EXOC2: variants seen among roughly 807,000 people sequenced by gnomAD.
EXOC2 encodes SEC5-like 1.
Under a neutral mutation model 131.8 loss-of-function variants are expected in EXOC2, and 70 were observed. The ratio of observed to expected loss-of-function variants is 0.53; its 90% CI spans 0.44 to 0.65. The LOEUF (loss-of-function observed/expected upper bound fraction) is 0.65, where lower values mean the gene tolerates loss of function less well. EXOC2 is among the 30% of genes least tolerant of loss of function. The pLI, the probability that EXOC2 is intolerant of heterozygous loss-of-function variation, is 0.00. For synonymous variants in EXOC2, 411 were observed against 398.4 expected, an observed-to-expected ratio of 1.03 and a Z score of -0.38; for missense variants, 923 against 1,108.6, an observed-to-expected ratio of 0.83 and a Z score of 2.38.
At chr6:624,160 A>G (rs913166642) in intron 4 of EXOC2, among the ~76,000 whole-genome samples, 19 of 91,206 alleles carry the variant, frequency 2.1e-4, no homozygotes, top group African/African-American at 5.2e-4. Flanking sequence ...TGAGTTAGAA[A>G]AAACAAAAAA....
intron 1 of EXOC2, among the ~76,000 whole-genome samples, chr6:664,709 A>T (rs1763561064): frequency 6.6e-6 from 1 of 152,234 alleles, no homozygotes; most frequent in South Asian, 2.1e-4. Flanking sequence ...ATTTCAACAA[A>T]TGGTGCTAGT....
At chr6:618,565 C>T (rs995513964) in intron 5 of EXOC2, among the ~76,000 whole-genome samples, 1 of 152,186 alleles carries the variant, frequency 6.6e-6, no homozygotes, top group Non-Finnish European at 1.5e-5. Flanking sequence ...AAATCAGAAT[C>T]ATCTTCTACA....
intron 11 of EXOC2, among the ~76,000 whole-genome samples, chr6:580,659 A>T (rs576434747): frequency 6.6e-6 from 1 of 152,162 alleles, no homozygotes; most frequent in Non-Finnish European, 1.5e-5. Flanking sequence ...TTCCATGGCC[A>T]TGCAGTTGGT....
rs75641335 is a variant in EXOC2 at position 546,533 on chromosome 6, G to A, written c.2238+2642C>T. Among the ~76,000 whole-genome samples the A allele has an allele frequency of 4.3e-3, 650 of 152,166 alleles. 5 individuals are homozygous for A. The highest frequency in any genetic ancestry group is 0.014 in the African/African-American group (565 of 41,496). On this transcript the variant is annotated intron_variant, in intron 22 of 27. Transcript: ENST00000230449. ...GAACACCACGGGTCTGAACTATGTGGGTCCACTTATACACGCATTTTCTTC... is the reference window on the plus strand; with the variant it reads ...GAACACCACGGGTCTGAACTATGTGAGTCCACTTATACACGCATTTTCTTC...
chr6:541,321 A>C (rs565399859), intron 22 of EXOC2, among the ~76,000 whole-genome samples: 1 of 152,360 alleles, frequency 6.6e-6, no homozygotes, highest in African/African-American at 2.4e-5. Context: ...AACACAGCTA[A>C]AAAGACACTT....
chr6:537,976 G>A (rs1184266244), intron 22 of EXOC2, among the ~76,000 whole-genome samples: 1 of 152,172 alleles, frequency 6.6e-6, no homozygotes, highest in Non-Finnish European at 1.5e-5. Flanking sequence ...GGTGGTGGAT[G>A]CTGGAACGTG....
intron 7 of EXOC2, among the ~76,000 whole-genome samples, chr6:600,346 C>T (rs1430608873): frequency 6.6e-6 from 1 of 152,150 alleles, no homozygotes; most frequent in Non-Finnish European, 1.5e-5. Flanking sequence ...TTCCTTCTTG[C>T]CACCAAACCA....
At chr6:571,435 C>T (rs965667834) in intron 13 of EXOC2, among the ~76,000 whole-genome samples, 1 of 152,174 alleles carries the variant, frequency 6.6e-6, no homozygotes, top group Non-Finnish European at 1.5e-5. Flanking sequence ...GGGTTTACAA[C>T]GGAGATACTA....
In EXOC2 at chr6:634,895, G is replaced by A. The variant is rs547589916; in HGVS notation, c.119-1778C>T. On this transcript the variant is annotated intron_variant, in intron 2 of 27. Coordinates refer to ENST00000230449, the MANE Select transcript of EXOC2 (RefSeq NM_018303.6). The stretch of plus-strand genomic sequence containing the variant: ...TGAAAGCCTCTCCAAACTCCACCTC[G>A]CGAGAGAAATACTGCTAACATGTCA... 1.6e-4 allele frequency among the ~76,000 whole-genome samples: 24 copies of A among 152,006 alleles called. 1 individual carries two copies. The South Asian group carries it at 2.3e-3, about 14-fold the overall frequency.
Position 633,133 on chromosome 6 carries a change from T to A in EXOC2, c.119-16A>T. Reference sequence around the variant, plus strand: ...ATGGTCAAGCCTGAAAATAAACGCATGTGCATAACAAAATTCAAAGACAAG... The same window carrying A: ...ATGGTCAAGCCTGAAAATAAACGCAAGTGCATAACAAAATTCAAAGACAAG... On this transcript the variant is annotated splice_polypyrimidine_tract_variant and intron_variant, in intron 2 of 27. Coordinates refer to ENST00000230449, the MANE Select transcript of EXOC2 (RefSeq NM_018303.6). 1.9e-6 allele frequency: 3 copies of A among 1,607,968 alleles called. No individual in the cohort carries two copies. The highest frequency in any genetic ancestry group is 2.5e-6 in the Non-Finnish European group (3 of 1,179,240).
At chr6:665,754 T>C (rs1366663907) in intron 1 of EXOC2, among the ~76,000 whole-genome samples, 3 of 150,850 alleles carry the variant, frequency 2.0e-5, no homozygotes, top group Non-Finnish European at 4.4e-5. Context: ...ATGAGAATGA[T>C]ACAATGGACT....
intron 25 of EXOC2, among the ~76,000 whole-genome samples, chr6:491,993 C>A (rs1763461355): frequency 6.6e-6 from 1 of 152,196 alleles, no homozygotes; most frequent in African/African-American, 2.4e-5. Context: ...CTTTCCTTAA[C>A]ACAAAAATTA....
intron 25 of EXOC2, among the ~76,000 whole-genome samples, chr6:494,058 G>A (rs1301917733): frequency 6.6e-6 from 1 of 152,192 alleles, no homozygotes; most frequent in Admixed American, 6.5e-5. Flanking sequence ...GTATTACACA[G>A]TTTATACTAC....
chr6:591,966 A>G (rs1015653963), intron 11 of EXOC2, among the ~76,000 whole-genome samples: 1 of 152,208 alleles, frequency 6.6e-6, no homozygotes. Context: ...CACACCAGCC[A>G]TCTAAAGCAT....
At chr6:606,088 T>C (rs1253453004) in intron 7 of EXOC2, among the ~76,000 whole-genome samples, 2 of 152,080 alleles carry the variant, frequency 1.3e-5, no homozygotes, top group East Asian at 3.9e-4. Flanking sequence ...TATGCAGCCA[T>C]AAAAAAGGAA....
intron 25 of EXOC2, among the ~76,000 whole-genome samples, chr6:495,489 A>T (rs912499294): frequency 6.6e-6 from 1 of 152,318 alleles, no homozygotes; most frequent in African/African-American, 2.4e-5. Context: ...AATGTTTTGT[A>T]ACATTTATAC....
At chr6:498,757 T>G (rs1450331782) in intron 24 of EXOC2, among the ~76,000 whole-genome samples, 1 of 152,166 alleles carries the variant, frequency 6.6e-6, no homozygotes, top group Non-Finnish European at 1.5e-5. Context: ...CAGATACTTT[T>G]GGATGCAGCA....
Position 499,717 on chromosome 6 carries a change from GGAGA to G in EXOC2, c.2381-21_2381-18del, listed in dbSNP as rs762853827. 11 of 1,610,430 alleles carry G rather than the reference GGAGA, an allele frequency of 6.8e-6. No individual in the cohort carries two copies. The East Asian group carries it at 2.2e-4, about 33-fold the overall frequency. ...TTCTGACACCTGAAATTGAAATAAA[GGAGA>G]GAAAGAAGGCATTAATAATAACACA... On this transcript the variant is annotated intron_variant, in intron 23 of 27. Transcript: ENST00000230449.
At chr6:615,071 AAATTAG>A in intron 6 of EXOC2, among the ~76,000 whole-genome samples, 1 of 152,336 alleles carries the variant, frequency 6.6e-6, no homozygotes, top group East Asian at 1.9e-4. Flanking sequence ...AATGATTTAA[AAATTAG>A]AATGCAATGC....
Sources: allele counts gnomAD v4.1 joint callset (sites outside exome capture counted in the v4.1 genomes callset), GRCh38; gene constraint gnomAD v4.1.1; transcripts MANE v1.5; gene names NCBI Gene and HGNC (gene_info 2026-07-23, HGNC 2026-07-21).